The following WWTR1 variants were observed in gnomAD, a reference collection of about 807,000 sequenced individuals.
The protein encoded by WWTR1 is WW domain-containing transcription regulator protein 1.
WWTR1 carries 13 observed loss-of-function variants against 40.1 expected under a neutral mutation model. The ratio of observed to expected loss-of-function variants is 0.32; its 90% CI spans 0.21 to 0.52. The LOEUF (loss-of-function observed/expected upper bound fraction) is 0.52. WWTR1 is among the 20% of genes least tolerant of loss of function. WWTR1 has a pLI of 0.97. For synonymous variants in WWTR1, 230 were observed against 210.1 expected (o/e 1.09, Z -0.82); for missense variants, 436 against 523.1 (o/e 0.83, Z 1.63).
At chr3:149,724,244 T>C (rs965470384) in intron 3 of WWTR1, 1 of 152,172 alleles carries the variant, frequency 6.6e-6, no homozygotes, top group African/African-American at 2.4e-5. Context: ...AATGATATAA[T>C]GAATCCCTGT....
chr3:149,528,024 C>T, intron 4 of WWTR1, 55 bp from the exon 5 acceptor site: 1 of 1,576,618 alleles, frequency 6.3e-7, no homozygotes, highest in Non-Finnish European at 8.6e-7. Flanking sequence ...AGGCATGGAG[C>T]AAAGTGTACT....
At chr3:149,594,339 G>GT (rs1738873803) in intron 2 of WWTR1, among the ~76,000 whole-genome samples, 1 of 151,826 alleles carries the variant, frequency 6.6e-6, no homozygotes, top group Non-Finnish European at 1.5e-5. Context: ...TTTCTATGTC[G>GT]ATTTTTTTTA....
chr3:149,647,793 TGGTGG>T (rs1372742622), intron 2 of WWTR1, among the ~76,000 whole-genome samples: 8 of 152,196 alleles, frequency 5.3e-5, no homozygotes, highest in Non-Finnish European at 1.2e-4. Flanking sequence ...TAGGTGACAA[TGGTGG>T]GGTCTTACGC....
At chr3:149,608,560 G>C (rs1475989355) in intron 2 of WWTR1, among the ~76,000 whole-genome samples, 1 of 151,872 alleles carries the variant, frequency 6.6e-6, no homozygotes, top group African/African-American at 2.4e-5. Flanking sequence ...TAATTTTTTT[G>C]TATTTTTAGT....
chr3:149,676,239 G>A (rs924418801), intron 1 of WWTR1, among the ~76,000 whole-genome samples: 18 of 133,354 alleles, frequency 1.3e-4, no homozygotes, highest in African/African-American at 4.6e-4. Context: ...CAGGAATTCT[G>A]ATTTCCCCAA....
chr3:149,678,853 G>A (rs894582571), intron 1 of WWTR1, among the ~76,000 whole-genome samples: 7 of 138,420 alleles, frequency 5.1e-5, no homozygotes, highest in Non-Finnish European at 1.1e-4. Flanking sequence ...ATGGAGTTTC[G>A]CTCTTGTTGC....
intron 3 of WWTR1, among the ~76,000 whole-genome samples, chr3:149,566,892 C>A (rs1428490166): frequency 1.3e-5 from 2 of 151,350 alleles, no homozygotes; most frequent in African/African-American, 4.9e-5. Flanking sequence ...AGACTCTGGG[C>A]TGGTGGATGG....
At chr3:149,572,570 C>T (rs1276540027) in intron 3 of WWTR1, among the ~76,000 whole-genome samples, 2 of 152,084 alleles carry the variant, frequency 1.3e-5, no homozygotes, top group African/African-American at 4.8e-5. Flanking sequence ...CACGGTATTG[C>T]AGCCAAGAAG....
At chr3:149,687,450 A>G (rs556260542) in intron 1 of WWTR1, among the ~76,000 whole-genome samples, 3 of 152,210 alleles carry the variant, frequency 2.0e-5, no homozygotes, top group Non-Finnish European at 2.9e-5. Context: ...AGGCAAAAAG[A>G]TTTTTTAAAA....
rs530232535 is a variant in WWTR1 at position 149,642,250 on chromosome 3, G to A, written c.431+14626C>T. ...AGCCTGATCAACAGGGAGAAACCCC[G>A]TCTCTACTAAAAATACAAAATTAGC... On this transcript the variant is annotated intron_variant, in intron 2 of 6. Coordinates refer to ENST00000360632, the MANE Select transcript of WWTR1 (RefSeq NM_015472.6). Among the ~76,000 whole-genome samples, 170 of 151,764 alleles carry A rather than the reference G, an allele frequency of 1.1e-3. 2 individuals are homozygous for A. In the South Asian group the frequency reaches 0.012, roughly 10 times the overall value.
intron 3 of WWTR1, among the ~76,000 whole-genome samples, chr3:149,543,270 T>C (rs1004505651): frequency 6.6e-6 from 1 of 152,132 alleles, no homozygotes; most frequent in Non-Finnish European, 1.5e-5. Flanking sequence ...TAACAACCAG[T>C]GAAATTTCAG....
chr3:149,630,795 A>G (rs1394451224), intron 2 of WWTR1, among the ~76,000 whole-genome samples: 2 of 152,224 alleles, frequency 1.3e-5, no homozygotes, highest in East Asian at 1.9e-4. Context: ...CAGTCACGCC[A>G]GGAATGACGT....
chr3:149,709,832 A>G (rs1353096195), intron 5 of WWTR1, among the ~76,000 whole-genome samples: 1 of 152,158 alleles, frequency 6.6e-6, no homozygotes, highest in African/African-American at 2.4e-5. Context: ...TGAACCTGGC[A>G]GGCGGAGGTT....
intron 5 of WWTR1, 101 bp downstream of exon 5, chr3:149,527,735 T>C: frequency 1.3e-6 from 2 of 1,544,056 alleles, no homozygotes; most frequent in Non-Finnish European, 1.8e-6. Context: ...CCCTCAACCC[T>C]CAAGCTCCCC....
In WWTR1 at chr3:149,656,394, A is replaced by G. The variant is rs1713205750; in HGVS notation, c.431+482T>C. 2.0e-5 allele frequency among the ~76,000 whole-genome samples: 3 copies of G among 152,158 alleles called. No individual in the cohort carries two copies. In the South Asian group the frequency reaches 6.2e-4, roughly 32 times the overall value. The stretch of plus-strand genomic sequence containing the variant: ...CACTATGGCCTACCAACCACTGTTC[A>G]CTTTTCCAGCTTGCTTTTCCCAAGA... On this transcript the variant is annotated intron_variant, in intron 2 of 6. Coordinates refer to ENST00000360632, the MANE Select transcript of WWTR1 (RefSeq NM_015472.6).
chr3:149,656,764 T>TTC (rs780553230), intron 2 of WWTR1, 112 bp downstream of exon 2: 58,640 of 458,892 alleles, frequency 0.13, 854 homozygotes, highest in Non-Finnish European at 0.13. Context: ...ATCTCTCTCT[T>TTC]TCTCTCTCTC....
rs1351276368 is a variant in WWTR1, at chr3:149,543,531, G to A, written c.569-994C>T. 3.3e-5 allele frequency among the ~76,000 whole-genome samples: 4 copies of A among 120,232 alleles called. No individual in the cohort carries two copies. The Admixed American group carries it at 3.4e-4, about 10-fold the overall frequency. 78.9% of individuals were successfully genotyped at this position (120,232 alleles called of 152,430 possible). ...CGGGAGGCGGAGGTTGCAGTGAGCC[G>A]AGATCGCGCCACTACACTCCAGCCT... On this transcript the variant is annotated intron_variant, in intron 3 of 6. Transcript: ENST00000360632.
chr3:149,588,588 G>C (rs1219714684), intron 2 of WWTR1, among the ~76,000 whole-genome samples: 1 of 152,078 alleles, frequency 6.6e-6, no homozygotes, highest in Non-Finnish European at 1.5e-5. Context: ...ATATATTGTG[G>C]GAGTGAACAT....
chr3:149,710,088 A>G (rs1411647813), intron 5 of WWTR1, among the ~76,000 whole-genome samples: 4 of 152,082 alleles, frequency 2.6e-5, no homozygotes, highest in Non-Finnish European at 4.4e-5. Context: ...TTCTCCTCAC[A>G]TAAGACTCCC....
Sources: gnomAD v4.1 joint callset for allele counts (sites outside exome capture counted in the v4.1 genomes callset) on GRCh38, gnomAD v4.1.1 for gene constraint, MANE v1.5 for transcripts, NCBI Gene and HGNC (gene_info 2026-07-23, HGNC 2026-07-21) for gene names.